Variants in PLD5 observed in about 807,000 individuals in gnomAD.
The protein encoded by PLD5 is inactive phospholipase D5.
Under a neutral mutation model 61.1 loss-of-function variants are expected in PLD5, and 36 were observed. That is an observed-to-expected ratio of 0.59 (90% CI 0.45 to 0.78). PLD5 has a LOEUF of 0.78. Among genes scored for constraint, PLD5 ranks in the 30% least tolerant of loss-of-function variants. The pLI, the probability that PLD5 is intolerant of heterozygous loss-of-function variation, is 0.00. For synonymous variants in PLD5, 243 were observed against 242.8 expected, an observed-to-expected ratio of 1.00 and a Z score of -0.01; for missense variants, 515 against 644.4, an observed-to-expected ratio of 0.80 and a Z score of 2.17.
chr1:242,204,243 C>CAAAA (rs36058585), intron 5 of PLD5, among the ~76,000 whole-genome samples: 2 of 128,444 alleles, frequency 1.6e-5, no homozygotes, highest in African/African-American at 5.5e-5. Flanking sequence ...ACTCTTGTCT[C>CAAAA]AAAAAAAAAA....
chr1:242,484,029 A>C (rs1341104271), intron 1 of PLD5, among the ~76,000 whole-genome samples: 1 of 152,230 alleles, frequency 6.6e-6, no homozygotes, highest in Non-Finnish European at 1.5e-5. Context: ...AAGACACAAC[A>C]TACCAGAATC....
intron 5 of PLD5, among the ~76,000 whole-genome samples, chr1:242,151,808 A>G (rs1664948488): frequency 6.6e-6 from 1 of 152,076 alleles, no homozygotes; most frequent in South Asian, 2.1e-4. Context: ...TCAGCTTTGA[A>G]TTCTGTTCTT....
chr1:242,500,771 G>T (rs1278847727), intron 1 of PLD5, among the ~76,000 whole-genome samples: 1 of 151,436 alleles, frequency 6.6e-6, no homozygotes, highest in African/African-American at 2.5e-5. Flanking sequence ...TAATAAGGTG[G>T]ACTATGAAAA....
intron 1 of PLD5, among the ~76,000 whole-genome samples, chr1:242,508,604 A>C (rs1187433624): frequency 6.6e-6 from 1 of 152,190 alleles, no homozygotes; most frequent in Non-Finnish European, 1.5e-5. Context: ...TCTGTCTGCA[A>C]ATCTTTTTGC....
At chr1:242,524,020 C>T in intron 1 of PLD5, 68 bp downstream of exon 1, 1 of 1,456,390 alleles carries the variant, frequency 6.9e-7, no homozygotes, top group Non-Finnish European at 9.1e-7. Flanking sequence ...CGCGCTCATG[C>T]CACCACCACG....
intron 5 of PLD5, among the ~76,000 whole-genome samples, chr1:242,126,052 G>A (rs1396572930): frequency 6.6e-6 from 1 of 152,126 alleles, no homozygotes; most frequent in Admixed American, 6.6e-5. Context: ...AGGACTATTA[G>A]CGGTTAAGTG....
At chr1:242,515,346 C>T (rs1009914009) in intron 1 of PLD5, among the ~76,000 whole-genome samples, 11 of 152,168 alleles carry the variant, frequency 7.2e-5, no homozygotes, top group South Asian at 6.2e-4. Context: ...CCAACTAGCT[C>T]GGATTACAGG....
intron 1 of PLD5, among the ~76,000 whole-genome samples, chr1:242,486,836 A>T (rs1414479251): frequency 9.2e-5 from 14 of 152,192 alleles, no homozygotes; most frequent in Non-Finnish European, 1.9e-4. Flanking sequence ...GATAGACTGG[A>T]TTAAGAAAAT....
At chr1:242,168,829 AGTTTTTAATTAATGAAGTTT>A (rs1452501324) in intron 5 of PLD5, among the ~76,000 whole-genome samples, 38 of 133,060 alleles carry the variant, frequency 2.9e-4, no homozygotes, top group Non-Finnish European at 5.1e-4. Context: ...TATCCATGAC[AGTTTTTAATTAATGAAGTTT>A]TTTTTTTTTT....
At chr1:242,139,405 T>G (rs1663992952) in intron 5 of PLD5, among the ~76,000 whole-genome samples, 2 of 152,146 alleles carry the variant, frequency 1.3e-5, no homozygotes, top group African/African-American at 4.8e-5. Context: ...TTCTTAGATG[T>G]GCATTTCACA....
At chr1:242,283,137 A>T (rs909783020) in intron 3 of PLD5, among the ~76,000 whole-genome samples, 1 of 152,266 alleles carries the variant, frequency 6.6e-6, no homozygotes, top group Non-Finnish European at 1.5e-5. Context: ...AATGAAAAAT[A>T]AAAAAGCACA....
chr1:242,181,954 C>T (rs2148903339), intron 5 of PLD5, among the ~76,000 whole-genome samples: 1 of 152,296 alleles, frequency 6.6e-6, no homozygotes, highest in Non-Finnish European at 1.5e-5. Context: ...AGTGGTCCTT[C>T]ACTGTAGAAA....
intron 4 of PLD5, among the ~76,000 whole-genome samples, chr1:242,246,401 A>G (rs1672357161): frequency 6.6e-6 from 1 of 151,842 alleles, no homozygotes. Context: ...AGGTCACACA[A>G]GTGACAAAGC....
At chr1:242,114,424 T>C (rs1661782207) in intron 6 of PLD5, among the ~76,000 whole-genome samples, 1 of 152,098 alleles carries the variant, frequency 6.6e-6, no homozygotes, top group Non-Finnish European at 1.5e-5. Flanking sequence ...ATTGGAAACA[T>C]TCAATATCTT....
intron 5 of PLD5, among the ~76,000 whole-genome samples, chr1:242,200,667 A>G (rs1171971628): frequency 6.6e-6 from 1 of 151,896 alleles, no homozygotes; most frequent in African/African-American, 2.4e-5. Context: ...CCGAAGTTTG[A>G]GTACAAGTCC....
intron 1 of PLD5, among the ~76,000 whole-genome samples, chr1:242,480,228 T>C (rs541630533): frequency 6.6e-6 from 1 of 152,328 alleles, no homozygotes; most frequent in South Asian, 2.1e-4. Flanking sequence ...CAATTGACTT[T>C]TTATAATAAT....
Position 242,443,985 on chromosome 1 carries a change from C to A in PLD5, c.189+80103G>T, listed in dbSNP as rs1351543623. Among the ~76,000 whole-genome samples, 4 of 152,134 alleles carry A rather than the reference C, an allele frequency of 2.6e-5. No individual in the cohort carries two copies. In the East Asian group the frequency reaches 5.8e-4, roughly 22 times the overall value. On this transcript the variant is annotated intron_variant, in intron 1 of 9. Coordinates refer to ENST00000536534, the MANE Select transcript of PLD5 (RefSeq NM_001372062.1). ...TTCTGTGTCTTCTCACCTAATGGGA[C>A]CTGTGCAGCATCCATCATGAATCAT...
intron 1 of PLD5, among the ~76,000 whole-genome samples, chr1:242,499,757 T>G (rs1050449974): frequency 1.3e-5 from 2 of 151,970 alleles, no homozygotes; most frequent in Admixed American, 1.3e-4. Flanking sequence ...TATTTTGTTG[T>G]GCTCATGGAT....
intron 1 of PLD5, among the ~76,000 whole-genome samples, chr1:242,370,583 C>T (rs976773904): frequency 1.3e-5 from 2 of 152,178 alleles, no homozygotes; most frequent in Non-Finnish European, 2.9e-5. Flanking sequence ...GTTCTGGTGT[C>T]TCCCACCCTT....
Sources: gnomAD v4.1 joint callset for allele counts (sites outside exome capture counted in the v4.1 genomes callset) on GRCh38, gnomAD v4.1.1 for gene constraint, MANE v1.5 for transcripts, NCBI Gene and HGNC (gene_info 2026-07-23, HGNC 2026-07-21) for gene names.